The following SLCO5A1 variants were observed in gnomAD, a reference collection of about 807,000 sequenced individuals.
SLCO5A1 encodes the protein solute carrier organic anion transporter family member 5A1, also known as organic anion transporter polypeptide-related protein 4.
Under a neutral mutation model 65.1 loss-of-function variants are expected in SLCO5A1, and 39 were observed. That is an observed-to-expected ratio of 0.60 (90% CI 0.46 to 0.78). The LOEUF (loss-of-function observed/expected upper bound fraction) is 0.78. Among genes scored for constraint, SLCO5A1 ranks in the 30% least tolerant of loss-of-function variants. SLCO5A1 has a pLI of 0.00. For missense variants in SLCO5A1, 1,029 were observed against 1,069.4 expected (o/e 0.96, Z 0.53); for synonymous variants, 438 against 415.7 (o/e 1.05, Z -0.65).
chr8:69,690,903 T>C (rs982040902), intron 6 of SLCO5A1, among the ~76,000 whole-genome samples: 1 of 152,086 alleles, frequency 6.6e-6, no homozygotes, highest in Non-Finnish European at 1.5e-5. Context: ...AAGATGACAA[T>C]TGATAAATGA....
chr8:69,807,248 G>A (rs894156376), intron 2 of SLCO5A1, among the ~76,000 whole-genome samples: 4 of 152,164 alleles, frequency 2.6e-5, no homozygotes, highest in Non-Finnish European at 4.4e-5. Context: ...TTGTATACAT[G>A]TATGGGTACA....
rs772165770 is a variant in SLCO5A1 at position 69,705,238 on chromosome 8, A to T, written c.1424-9T>A. ...GGGGACGATAATAACCCCTGGGGAG[A>T]AGAGAAGGAGAGGATTAATTTGAAC... On this transcript the variant is annotated splice_polypyrimidine_tract_variant and intron_variant, in intron 5 of 9. Transcript: ENST00000260126. 1.6e-5 allele frequency: 25 copies of T among 1,612,476 alleles called. 2 individuals are homozygous for T. The Middle Eastern group carries it at 2.1e-3, about 138-fold the overall frequency.
chr8:69,694,074 G>C (rs1814389186), intron 6 of SLCO5A1, among the ~76,000 whole-genome samples: 1 of 152,174 alleles, frequency 6.6e-6, no homozygotes, highest in East Asian at 1.9e-4. Flanking sequence ...ATATCAGAAA[G>C]CCATGCAGTA....
rs1316113067 is a variant in SLCO5A1 at position 69,672,621 on chromosome 8, T to A, written c.*248A>T. On this transcript the variant is annotated 3_prime_UTR_variant, in exon 10 of 10. Coordinates refer to ENST00000260126, the MANE Select transcript of SLCO5A1 (RefSeq NM_030958.3). ...CCGTAGGGGAGCATGAGCTTTGAAT[T>A]AACACAACGGAAATGGGAACAAATC... 3.7e-5 allele frequency: 19 copies of A among 518,576 alleles called. No individual in the cohort carries two copies. The highest frequency in any genetic ancestry group is 3.4e-6 in the Non-Finnish European group (1 of 293,302). 32.1% of individuals were successfully genotyped at this position (518,576 alleles called of 1,614,324 possible).
chr8:69,804,885 G>C (rs527793836), intron 2 of SLCO5A1, among the ~76,000 whole-genome samples: 6 of 152,218 alleles, frequency 3.9e-5, no homozygotes, highest in Non-Finnish European at 5.9e-5. Flanking sequence ...CCTGCAGGCC[G>C]GGCTCCTGCC....
At chr8:69,693,218 G>A (rs961228286) in intron 6 of SLCO5A1, among the ~76,000 whole-genome samples, 4 of 152,120 alleles carry the variant, frequency 2.6e-5, no homozygotes, top group Non-Finnish European at 2.9e-5. Flanking sequence ...ATCTGTCTAT[G>A]GACATTTAAG....
At chr8:69,756,524 A>G (rs968202832) in intron 3 of SLCO5A1, among the ~76,000 whole-genome samples, 24 of 152,252 alleles carry the variant, frequency 1.6e-4, no homozygotes, top group African/African-American at 5.3e-4. Flanking sequence ...AAGAACCTAC[A>G]ACCTGTTCAT....
At chr8:69,704,388 T>C (rs543179303) in intron 6 of SLCO5A1, among the ~76,000 whole-genome samples, 3 of 152,304 alleles carry the variant, frequency 2.0e-5, no homozygotes, top group South Asian at 2.1e-4. Context: ...AATACAGTCA[T>C]GGTAAGGGGG....
At chr8:69,704,329 G>A (rs1814876482) in intron 6 of SLCO5A1, among the ~76,000 whole-genome samples, 1 of 152,184 alleles carries the variant, frequency 6.6e-6, no homozygotes, top group South Asian at 2.1e-4. Flanking sequence ...TTATTGAGAG[G>A]ATTCATGGAT....
chr8:69,758,396 T>C (rs1252265826), intron 3 of SLCO5A1, among the ~76,000 whole-genome samples: 2 of 152,006 alleles, frequency 1.3e-5, no homozygotes, highest in East Asian at 3.9e-4. Flanking sequence ...CCCAGGTTGG[T>C]CTTGAACTCC....
intron 2 of SLCO5A1, chr8:69,772,831 T>C: frequency 3.1e-6 from 2 of 641,088 alleles, no homozygotes; most frequent in Non-Finnish European, 3.9e-6. Flanking sequence ...ATGCACTCTG[T>C]GATGCAAGGC....
Position 69,807,190 on chromosome 8 carries a change from T to C in SLCO5A1, c.907+24577A>G, listed in dbSNP as rs572180360. On this transcript the variant is annotated intron_variant, in intron 2 of 9. Coordinates refer to ENST00000260126, the MANE Select transcript of SLCO5A1 (RefSeq NM_030958.3). ...AACATCTGGAATTAGAATATACATG[T>C]GTGAGGGGGTTTTTTACATTTTATT... Among the ~76,000 whole-genome samples the C allele has an allele frequency of 4.6e-5, 7 of 152,212 alleles. No individual in the cohort carries two copies. In the South Asian group the frequency reaches 1.4e-3, roughly 31 times the overall value.
intron 1 of SLCO5A1, chr8:69,834,041 C>G (rs1821302114): frequency 1.3e-5 from 2 of 152,768 alleles, no homozygotes; most frequent in South Asian, 4.1e-4. Flanking sequence ...ATTGACTGAG[C>G]GCACCCCGCT....
chr8:69,744,026 G>A (rs983352361), intron 4 of SLCO5A1, among the ~76,000 whole-genome samples: 1 of 152,122 alleles, frequency 6.6e-6, no homozygotes, highest in Admixed American at 6.5e-5. Context: ...TCTGCCAGGG[G>A]CCCAGCTGCT....
intron 2 of SLCO5A1, among the ~76,000 whole-genome samples, chr8:69,787,483 C>T (rs1819081811): frequency 6.6e-6 from 1 of 152,098 alleles, no homozygotes; most frequent in African/African-American, 2.4e-5. Flanking sequence ...CAGCCTAAAC[C>T]CTTAAAGCTG....
Position 69,781,207 on chromosome 8 carries a change from A to G in SLCO5A1, c.908-19332T>C, listed in dbSNP as rs1465810896. Among the ~76,000 whole-genome samples, 4 of 152,240 alleles carry G rather than the reference A, an allele frequency of 2.6e-5. No homozygotes were observed. In the East Asian group the frequency reaches 7.7e-4, roughly 29 times the overall value. On this transcript the variant is annotated intron_variant, in intron 2 of 9. Transcript: ENST00000260126. ...CACACTGTACTTTCCAGGCACTTGA[A>G]GAAGCATGATTTCCATTGGAAAGAT...
chr8:69,723,704 C>A (rs534539996), intron 5 of SLCO5A1, among the ~76,000 whole-genome samples: 1 of 151,774 alleles, frequency 6.6e-6, no homozygotes, highest in South Asian at 2.1e-4. Flanking sequence ...GTTGTAAAAT[C>A]TCTTTCCTTG....
At chr8:69,829,765 T>G (rs1051470051) in intron 2 of SLCO5A1, among the ~76,000 whole-genome samples, 3 of 152,250 alleles carry the variant, frequency 2.0e-5, no homozygotes, top group African/African-American at 7.2e-5. Context: ...GGAATGATTA[T>G]GAACTTCCTT....
chr8:69,755,753 TCAACTGTAAAG>T (rs1817515369), intron 3 of SLCO5A1, 112 bp from the exon 4 acceptor site: 1 of 858,436 alleles, frequency 1.2e-6, no homozygotes, highest in Non-Finnish European at 1.8e-6. Context: ...CTTTTTGTAA[TCAACTGTAAAG>T]CAGTAGGAAG....
Sources: allele counts gnomAD v4.1 joint callset (sites outside exome capture counted in the v4.1 genomes callset), GRCh38; gene constraint gnomAD v4.1.1; transcripts MANE v1.5; gene names NCBI Gene and HGNC (gene_info 2026-07-23, HGNC 2026-07-21).